The following TNFRSF8 variants were observed in gnomAD, a reference collection of about 807,000 sequenced individuals.
The protein encoded by TNFRSF8 is TNF receptor superfamily member 8.
A neutral mutation model predicts 70.8 loss-of-function variants in TNFRSF8; 26 were observed. The observed-to-expected ratio is 0.37, with a 90% CI of 0.27 to 0.51. The LOEUF is 0.51. Among genes scored for constraint, TNFRSF8 ranks in the 20% least tolerant of loss-of-function variants. TNFRSF8 has a pLI of 0.94. For missense variants in TNFRSF8, 720 were observed against 807.9 expected, an observed-to-expected ratio of 0.89 and a Z score of 1.32; for synonymous variants, 356 against 339.2, an observed-to-expected ratio of 1.05 and a Z score of -0.54.
chr1:12,092,210 GC>G (rs1347695592), intron 2 of TNFRSF8, among the ~76,000 whole-genome samples: 1 of 152,146 alleles, frequency 6.6e-6, no homozygotes, highest in African/African-American at 2.4e-5. Context: ...ACAGGGTTTT[GC>G]TCTGTCACCC....
chr1:12,086,346 T>G (rs192731626), intron 2 of TNFRSF8, among the ~76,000 whole-genome samples: 218 of 152,360 alleles, frequency 1.4e-3, no homozygotes, highest in South Asian at 5.8e-3. Flanking sequence ...GTGGGTTGGA[T>G]GCTATTGGAC....
At chr1:12,094,579 G>A (rs1641297630) in intron 2 of TNFRSF8, among the ~76,000 whole-genome samples, 1 of 151,004 alleles carries the variant, frequency 6.6e-6, no homozygotes, top group Non-Finnish European at 1.5e-5. Context: ...AACTACTGAA[G>A]TGTCTGAGTT....
Position 12,123,469 on chromosome 1 carries a change from G to A in TNFRSF8, c.1040+92G>A. The A allele has an allele frequency of 2.3e-6, 3 of 1,278,980 alleles. No homozygotes were observed. In the East Asian group the frequency reaches 7.6e-5, roughly 32 times the overall value. 79.2% of individuals were successfully genotyped at this position (1,278,980 alleles called of 1,614,324 possible). The stretch of plus-strand genomic sequence containing the variant: ...GGATGCCTGGGAGGCAGCTGGGCTG[G>A]GGGTGGAGGTGGGGCCTGGGCTGCT... On this transcript the variant is annotated intron_variant, in intron 9 of 14. Transcript: ENST00000263932.
At chr1:12,125,542 C>T (rs993298821) in intron 10 of TNFRSF8, among the ~76,000 whole-genome samples, 2 of 152,144 alleles carry the variant, frequency 1.3e-5, no homozygotes, top group Admixed American at 6.6e-5. Flanking sequence ...GAGGGTTGGC[C>T]GGGAGGGGAC....
chr1:12,139,392 C>T (rs1642214234), intron 14 of TNFRSF8, among the ~76,000 whole-genome samples: 1 of 152,212 alleles, frequency 6.6e-6, no homozygotes, highest in African/African-American at 2.4e-5. Context: ...ATAGCCAACT[C>T]CACTGCCTTG....
At chr1:12,100,888 C>T (rs573454232) in intron 3 of TNFRSF8, among the ~76,000 whole-genome samples, 9 of 149,764 alleles carry the variant, frequency 6.0e-5, no homozygotes, top group Non-Finnish European at 1.0e-4. Context: ...ACCCGGGAGG[C>T]GGAGGTTGCA....
chr1:12,124,587 G>A (rs1641896420), intron 10 of TNFRSF8, among the ~76,000 whole-genome samples: 1 of 152,142 alleles, frequency 6.6e-6, no homozygotes, highest in Non-Finnish European at 1.5e-5. Context: ...ACTTTGGGAG[G>A]CCAAGGTGGG....
rs1041523106 is a variant in TNFRSF8, at chr1:12,138,846, C to T, written c.1543+410C>T. Reference sequence around the variant, plus strand: ...ACCTTCTTTGGATGGTGTCTTTCTCCCCATTTTACAGTTGGGGAGACCGTG... The same window carrying T: ...ACCTTCTTTGGATGGTGTCTTTCTCTCCATTTTACAGTTGGGGAGACCGTG... On this transcript the variant is annotated intron_variant, in intron 14 of 14. Transcript: ENST00000263932. This position sits in a 1 kb window ranked among gnomAD's most constrained non-coding sequence, Gnocchi z 5.7. Among the ~76,000 whole-genome samples, 4 of 149,174 alleles carry T rather than the reference C, an allele frequency of 2.7e-5. No individual in the cohort carries two copies. The East Asian group carries it at 6.4e-4, about 24-fold the overall frequency.
intron 9 of TNFRSF8, 94 bp from the exon 10 acceptor site, chr1:12,123,621 T>C: frequency 8.6e-7 from 1 of 1,164,298 alleles, no homozygotes; most frequent in South Asian, 1.4e-5. Context: ...GCCCAGGCTC[T>C]GGTTGCGCAG....
At chr1:12,076,091 T>A (rs1640955380) in intron 1 of TNFRSF8, among the ~76,000 whole-genome samples, 1 of 104,642 alleles carries the variant, frequency 9.6e-6, no homozygotes. Flanking sequence ...TTATTCTTTT[T>A]TTTTTCTTTT....
chr1:12,115,861 G>A, intron 8 of TNFRSF8, 132 bp downstream of exon 8: 2 of 968,566 alleles, frequency 2.1e-6, no homozygotes, highest in Non-Finnish European at 3.0e-6. Flanking sequence ...GTCAGGTTTG[G>A]GTTCTGGTTA....
At chr1:12,125,006 G>A (rs769649463) in intron 10 of TNFRSF8, among the ~76,000 whole-genome samples, 7 of 152,160 alleles carry the variant, frequency 4.6e-5, no homozygotes, top group African/African-American at 1.7e-4. Context: ...GTGCGGTCCC[G>A]TCTGGCAGCA....
In TNFRSF8 at chr1:12,097,191, G is replaced by GT; in HGVS notation, c.243dup (p.Thr82TyrfsTer69). ...TACTACCTGGATGAGGCCGACCGCT[G>GT]TACAGCCTGCGTGACTTGTTCTCGA... On this transcript the variant is annotated frameshift_variant, in exon 3 of 15. Transcript: ENST00000263932. LOFTEE classifies it high-confidence loss of function. 6.2e-7 allele frequency: 1 copy of GT among 1,613,986 alleles called. No homozygotes were observed. The highest frequency in any genetic ancestry group is 8.5e-7 in the Non-Finnish European group (1 of 1,179,918).
At chr1:12,075,352 C>T (rs138407380) in intron 1 of TNFRSF8, among the ~76,000 whole-genome samples, 1,972 of 151,970 alleles carry the variant, frequency 0.013, 38 homozygotes, top group African/African-American at 0.045. Context: ...TCCCAAAGAG[C>T]TGGGATTACG....
intron 1 of TNFRSF8, among the ~76,000 whole-genome samples, chr1:12,083,873 A>C (rs1232123860): frequency 6.6e-6 from 1 of 152,236 alleles, no homozygotes; most frequent in Non-Finnish European, 1.5e-5. Flanking sequence ...TACTTTATGT[A>C]AAATCCAAAA....
chr1:12,141,616 A>G lies in TNFRSF8; in HGVS notation c.1544-671A>G, dbSNP rs1246540547. Among the ~76,000 whole-genome samples, 1 of 152,164 alleles carries G rather than the reference A, an allele frequency of 6.6e-6. No individual in the cohort carries two copies. Among genetic ancestry groups the G allele is most frequent in the Non-Finnish European group, 1.5e-5 (1 of 68,028 alleles). On this transcript the variant is annotated intron_variant, in intron 14 of 14. Coordinates refer to ENST00000263932, the MANE Select transcript of TNFRSF8 (RefSeq NM_001243.5). The surrounding 1 kb of genome is among the most constrained non-coding windows in gnomAD (Gnocchi z 5.4). ...GGGGCCGGGTTTTCTGCAGGATGTG[A>G]CAGGCTGGCTGAGTTTGCCCGGACC...
intron 1 of TNFRSF8, among the ~76,000 whole-genome samples, chr1:12,077,272 G>C (rs1009354761): frequency 6.6e-6 from 1 of 152,174 alleles, no homozygotes; most frequent in South Asian, 2.1e-4. Flanking sequence ...TGGATCTTGA[G>C]ACAGGAAGAT....
At chr1:12,087,510 C>T (rs1358054246) in intron 2 of TNFRSF8, among the ~76,000 whole-genome samples, 1 of 152,156 alleles carries the variant, frequency 6.6e-6, no homozygotes, top group Non-Finnish European at 1.5e-5. Flanking sequence ...ATGTGGGATG[C>T]CCTCCCCTCC....
intron 8 of TNFRSF8, 133 bp downstream of exon 8, chr1:12,115,862 G>C: frequency 2.1e-6 from 2 of 953,958 alleles, no homozygotes; most frequent in Non-Finnish European, 3.1e-6. Flanking sequence ...TCAGGTTTGG[G>C]TTCTGGTTAT....
Sources: gnomAD v4.1 joint callset for allele counts (sites outside exome capture counted in the v4.1 genomes callset) on GRCh38, gnomAD v4.1.1 for gene constraint, Gnocchi (gnomAD v3.1) non-coding constraint, MANE v1.5 for transcripts, NCBI Gene and HGNC (gene_info 2026-07-23, HGNC 2026-07-21) for gene names.